The following ACAA2 variants were observed in gnomAD, a reference collection of about 807,000 sequenced individuals.
ACAA2 encodes the protein 3-ketoacyl-CoA thiolase, mitochondrial.
Under a neutral mutation model 44.8 loss-of-function variants are expected in ACAA2, and 35 were observed. That is an observed-to-expected ratio of 0.78 (90% CI 0.60 to 1.04). ACAA2 has a LOEUF of 1.04. Among genes scored for constraint, ACAA2 ranks in the 50% least tolerant of loss-of-function variants. The pLI, the probability that ACAA2 is intolerant of heterozygous loss-of-function variation, is 0.00. For missense variants in ACAA2, 468 were observed against 482.6 expected (o/e 0.97, Z 0.28); for synonymous variants, 142 against 166.5 (o/e 0.85, Z 1.13).
At chr18:49,784,119 AAAAAAC>A (rs1470656232) in intron 9 of ACAA2, among the ~76,000 whole-genome samples, 188 bp from the exon 10 acceptor site, 120 of 151,868 alleles carry the variant, frequency 7.9e-4, no homozygotes, top group African/African-American at 2.8e-3. Flanking sequence ...TTTTAATCAA[AAAAAAC>A]AAAAAACAAA....
chr18:49,804,347 G>C (rs892197127), intron 1 of ACAA2, among the ~76,000 whole-genome samples: 4 of 152,158 alleles, frequency 2.6e-5, no homozygotes, highest in Non-Finnish European at 5.9e-5. Context: ...CGGTTCTAGA[G>C]TCACAGGATG....
intron 2 of ACAA2, among the ~76,000 whole-genome samples, chr18:49,799,546 G>C (rs530500091): frequency 6.6e-6 from 1 of 152,308 alleles, no homozygotes; most frequent in African/African-American, 2.4e-5. Flanking sequence ...GAGTGCAGTG[G>C]CGTGATCTCT....
chr18:49,795,294 G>A (rs189281583), intron 4 of ACAA2, among the ~76,000 whole-genome samples: 136 of 152,232 alleles, frequency 8.9e-4, no homozygotes, highest in African/African-American at 3.2e-3. Flanking sequence ...GTTTTTGTTT[G>A]ATTTGGGACA....
At chr18:49,785,140 T>A (rs1568583918) in intron 9 of ACAA2, 57 bp downstream of exon 9, 5 of 1,584,902 alleles carry the variant, frequency 3.2e-6, no homozygotes, top group Middle Eastern at 1.7e-4. Flanking sequence ...GAAGCCTAAA[T>A]CCATGCATTT....
chr18:49,801,625 G>A (rs1448638163), intron 2 of ACAA2, among the ~76,000 whole-genome samples: 1 of 151,822 alleles, frequency 6.6e-6, no homozygotes, highest in African/African-American at 2.4e-5. Flanking sequence ...ACGGCAAGAT[G>A]AACAGCATCA....
intron 2 of ACAA2, among the ~76,000 whole-genome samples, chr18:49,801,363 T>C (rs2023545364): frequency 6.6e-6 from 1 of 152,200 alleles, no homozygotes; most frequent in Admixed American, 6.5e-5. Context: ...CTTTGTGTTA[T>C]AAAGTTTGAG....
chr18:49,808,043 T>C (rs935847936), intron 1 of ACAA2, among the ~76,000 whole-genome samples: 1 of 146,410 alleles, frequency 6.8e-6, no homozygotes, highest in African/African-American at 2.5e-5. Context: ...TCTGAACAGA[T>C]ACCTTACTAA....
At chr18:49,799,868 C>CCCT (rs2023517345) in intron 2 of ACAA2, among the ~76,000 whole-genome samples, 2 of 16,626 alleles carry the variant, frequency 1.2e-4, no homozygotes, top group African/African-American at 4.9e-4. Flanking sequence ...TGCCCGGCCG[C>CCCT]GACCCCATCT....
At chr18:49,799,796 G>A (rs545625140) in intron 2 of ACAA2, among the ~76,000 whole-genome samples, 108 of 144,686 alleles carry the variant, frequency 7.5e-4, no homozygotes, top group South Asian at 2.0e-3. Flanking sequence ...CCGCCATCCC[G>A]TCTAGGAGGT....
At chr18:49,799,492 C>A (rs563553362) in intron 2 of ACAA2, among the ~76,000 whole-genome samples, 1 of 152,224 alleles carries the variant, frequency 6.6e-6, no homozygotes, top group Non-Finnish European at 1.5e-5. Flanking sequence ...GCTGGGATTG[C>A]GGACGGAGTC....
rs2023313767 is a variant in ACAA2, at chr18:49,785,183, T to C, written c.1109+14A>G. The C allele has an allele frequency of 6.2e-7, 1 of 1,607,220 alleles. No homozygotes were observed. On this transcript the variant is annotated intron_variant, in intron 9 of 9. Transcript: ENST00000285093. ...AAACAGCAAATCTGAAATGCAGCTATTTCTAGCAAATACCTTAATTCGTGA... is the reference window on the plus strand; with the variant it reads ...AAACAGCAAATCTGAAATGCAGCTACTTCTAGCAAATACCTTAATTCGTGA...
At chr18:49,785,496 C>T in intron 8 of ACAA2, 145 bp from the exon 9 acceptor site, 1 of 752,772 alleles carries the variant, frequency 1.3e-6, no homozygotes, top group South Asian at 1.8e-5. Flanking sequence ...TACAATCATT[C>T]TGCATAAAGC....
intron 1 of ACAA2, among the ~76,000 whole-genome samples, chr18:49,809,264 C>T (rs1291360819): frequency 1.3e-5 from 2 of 152,190 alleles, no homozygotes; most frequent in Non-Finnish European, 2.9e-5. Context: ...ACACGTTTTA[C>T]AATCAATTTG....
intron 7 of ACAA2, among the ~76,000 whole-genome samples, chr18:49,789,748 C>A (rs2023376333): frequency 6.6e-6 from 1 of 151,294 alleles, no homozygotes. Flanking sequence ...CTTTGGGAGG[C>A]TGAGGTGGGC....
intron 3 of ACAA2, 93 bp from the exon 4 acceptor site, chr18:49,795,974 A>C: frequency 1.2e-6 from 1 of 803,940 alleles, no homozygotes; most frequent in Non-Finnish European, 2.1e-6. Context: ...ATGGTAAATC[A>C]AACAAATATT....
At chr18:49,799,322 C>A (rs970025138) in intron 2 of ACAA2, among the ~76,000 whole-genome samples, 40 of 152,048 alleles carry the variant, frequency 2.6e-4, no homozygotes, top group Non-Finnish European at 1.8e-4. Context: ...CTGCCTGATT[C>A]TCCTGCCTCA....
At chr18:49,801,812 A>ATATATATATATATATATCTATC (rs1347357878) in intron 2 of ACAA2, among the ~76,000 whole-genome samples, 1 of 143,312 alleles carries the variant, frequency 7.0e-6, no homozygotes, top group African/African-American at 2.6e-5. Flanking sequence ...ATATATATAT[A>ATATATATATATATATATCTATC]TATCTTATCT....
intron 2 of ACAA2, among the ~76,000 whole-genome samples, chr18:49,800,888 A>C (rs1290645017): frequency 1.9e-5 from 2 of 105,662 alleles, no homozygotes; most frequent in Non-Finnish European, 4.0e-5. Context: ...AAGAATGATC[A>C]ATAAAAAAAA....
chr18:49,812,560 A>G (rs2023682730), intron 1 of ACAA2, among the ~76,000 whole-genome samples: 1 of 152,146 alleles, frequency 6.6e-6, no homozygotes, highest in Admixed American at 6.5e-5. Context: ...ACACGAGTCA[A>G]AGCCATCATT....
Sources: allele counts gnomAD v4.1 joint callset (sites outside exome capture counted in the v4.1 genomes callset), GRCh38; gene constraint gnomAD v4.1.1; transcripts MANE v1.5; gene names NCBI Gene and HGNC (gene_info 2026-07-23, HGNC 2026-07-21).